The following CHD6 variants were observed in gnomAD, a reference collection of about 807,000 sequenced individuals.
The protein encoded by CHD6 is ATP-dependent chromatin remodeler CHD6.
A neutral mutation model predicts 276.9 loss-of-function variants in CHD6; 50 were observed. The ratio of observed to expected loss-of-function variants is 0.18; its 90% CI spans 0.14 to 0.23. The LOEUF (loss-of-function observed/expected upper bound fraction) is 0.23. Ranked by LOEUF, CHD6 falls within the 10% of genes least tolerant of loss-of-function variation. The pLI is 1.00. For synonymous variants in CHD6, 1,173 were observed against 1,229.3 expected (o/e 0.95, Z 0.96); for missense variants, 2,564 against 3,365.8 (o/e 0.76, Z 5.89).
chr20:41,531,928 T>C (rs1042063438), intron 3 of CHD6, among the ~76,000 whole-genome samples: 1 of 152,206 alleles, frequency 6.6e-6, no homozygotes, highest in South Asian at 2.1e-4. Context: ...TGTGTTTTTT[T>C]ATGAGTGCTC....
Position 41,420,849 on chromosome 20 carries a change from G to A in CHD6, c.5786C>T (p.Ala1929Val), listed in dbSNP as rs1569057005. 1 of 1,614,208 alleles carries A rather than the reference G, an allele frequency of 6.2e-7. No homozygotes were observed. The highest frequency in any genetic ancestry group is 8.5e-7 in the Non-Finnish European group (1 of 1,180,044). Residue 1929 changes from alanine to valine, a missense_variant, in exon 31 of 37, where the codon GCT becomes GTT. This residue lies in a region of CHD6 where 1,024 missense variants were observed against 1,047.9 expected (regional missense o/e 0.98). Coordinates refer to ENST00000373233, the MANE Select transcript of CHD6 (RefSeq NM_032221.5). ...VANQTPGLQR[A>V]FPAPAACQCH... The stretch of plus-strand genomic sequence containing the variant: ...CTGACAGGCTGCTGGAGCGGGGAAA[G>A]CCCTCTGTAGCCCAGGAGTCTGGTT...
At chr20:41,566,504 T>C (rs1267936066) in intron 1 of CHD6, among the ~76,000 whole-genome samples, 1 of 152,176 alleles carries the variant, frequency 6.6e-6, no homozygotes, top group Non-Finnish European at 1.5e-5. Context: ...CCAAGTTCCC[T>C]TCCCCACTCT....
intron 3 of CHD6, among the ~76,000 whole-genome samples, chr20:41,521,773 G>A (rs1395132771): frequency 1.3e-5 from 2 of 152,138 alleles, no homozygotes; most frequent in Admixed American, 6.5e-5. Context: ...CGATGAGCCC[G>A]AAACATCCTG....
At chr20:41,469,538 T>A (rs543272632) in intron 17 of CHD6, among the ~76,000 whole-genome samples, 1 of 152,200 alleles carries the variant, frequency 6.6e-6, no homozygotes, top group Non-Finnish European at 1.5e-5. Flanking sequence ...TTTTCCTTTG[T>A]CTTTCCTTCT....
At chr20:41,509,288 G>A (rs1196728487) in intron 5 of CHD6, among the ~76,000 whole-genome samples, 2 of 152,094 alleles carry the variant, frequency 1.3e-5, no homozygotes, top group African/African-American at 4.8e-5. Flanking sequence ...TAGTTCCTGG[G>A]AGTAAATGTA....
intron 2 of CHD6, among the ~76,000 whole-genome samples, chr20:41,543,459 T>C (rs913778583): frequency 6.6e-6 from 1 of 152,220 alleles, no homozygotes; most frequent in African/African-American, 2.4e-5. Flanking sequence ...AACACACCTG[T>C]ATCTCTCCTC....
chr20:41,463,185 C>T (rs1311758699), intron 17 of CHD6, among the ~76,000 whole-genome samples: 23 of 152,104 alleles, frequency 1.5e-4, no homozygotes, highest in Non-Finnish European at 2.9e-5. Flanking sequence ...CCCATGTATT[C>T]ATATTGACAT....
chr20:41,426,923 C>T (rs560506895), intron 27 of CHD6, among the ~76,000 whole-genome samples: 8 of 152,146 alleles, frequency 5.3e-5, no homozygotes, highest in African/African-American at 1.9e-4. Flanking sequence ...CTAAAACTTA[C>T]TATATTTTGA....
At chr20:41,592,048 G>A (rs1209794708) in intron 1 of CHD6, among the ~76,000 whole-genome samples, 6 of 151,342 alleles carry the variant, frequency 4.0e-5, no homozygotes, top group South Asian at 2.1e-4. Flanking sequence ...GTAGTGAGCC[G>A]AGATCGTGCC....
At chr20:41,525,311 C>T (rs960860592) in intron 3 of CHD6, among the ~76,000 whole-genome samples, 1 of 152,216 alleles carries the variant, frequency 6.6e-6, no homozygotes, top group African/African-American at 2.4e-5. Flanking sequence ...GAGTAATTGC[C>T]TGAGTTCATC....
intron 22 of CHD6, 150 bp from the exon 23 acceptor site, chr20:41,451,255 T>G: frequency 1.5e-6 from 1 of 648,220 alleles, no homozygotes; most frequent in Non-Finnish European, 2.7e-6. Flanking sequence ...GTGGTGGTGG[T>G]AGGAAGGAAG....
intron 2 of CHD6, among the ~76,000 whole-genome samples, chr20:41,549,780 T>C (rs1001468341): frequency 6.6e-6 from 1 of 151,938 alleles, no homozygotes; most frequent in Non-Finnish European, 1.5e-5. Context: ...ATGACAATAG[T>C]TTTGAGGGTC....
In CHD6 at chr20:41,533,109, C is replaced by T; in HGVS notation, c.495G>A (p.Glu165=). Residue 165 remains glutamate (E), a synonymous_variant, in exon 3 of 37, where the codon GAG becomes GAA. Coordinates refer to ENST00000373233, the MANE Select transcript of CHD6 (RefSeq NM_032221.5). ...RKPREASGTK[E]AKEKRSCTDS... is the part of the protein sequence containing the mutation. ...CAGTGCAGCTCCTCTTCTCTTTGGC[C>T]TCCTTGGTGCCCGAGGCCTCCCGGG... The T allele has an allele frequency of 6.2e-7, 1 of 1,613,620 alleles. No individual in the cohort carries two copies. The highest frequency in any genetic ancestry group is 1.1e-5 in the South Asian group (1 of 90,986).
At chr20:41,609,834 T>C (rs1481242337) in intron 1 of CHD6, among the ~76,000 whole-genome samples, 1 of 151,542 alleles carries the variant, frequency 6.6e-6, no homozygotes, top group Non-Finnish European at 1.5e-5. Context: ...TGGATCTGTG[T>C]TTCCTTTTTT....
intron 35 of CHD6, among the ~76,000 whole-genome samples, 159 bp downstream of exon 35, chr20:41,413,165 A>T (rs1225629129): frequency 6.6e-6 from 1 of 152,228 alleles, no homozygotes; most frequent in Non-Finnish European, 1.5e-5. Context: ...CAAAATTTAA[A>T]CTTAAAAACA....
chr20:41,617,890 G>A (rs1052345548), intron 1 of CHD6, among the ~76,000 whole-genome samples: 1 of 148,970 alleles, frequency 6.7e-6, no homozygotes, highest in African/African-American at 2.4e-5. Context: ...CGGGAATAGC[G>A]GTCACCCCCG....
intron 5 of CHD6, among the ~76,000 whole-genome samples, chr20:41,503,144 A>G (rs2043878385): frequency 6.6e-6 from 1 of 152,150 alleles, no homozygotes; most frequent in Non-Finnish European, 1.5e-5. Context: ...AGGGTATCTG[A>G]TAGGTTGATG....
At chr20:41,518,131 T>C (rs1332791904) in intron 3 of CHD6, among the ~76,000 whole-genome samples, 1 of 152,224 alleles carries the variant, frequency 6.6e-6, no homozygotes, top group African/African-American at 2.4e-5. Context: ...AATAATCACA[T>C]GCTCAGTGGC....
intron 3 of CHD6, among the ~76,000 whole-genome samples, chr20:41,516,316 C>A (rs948880167): frequency 6.6e-6 from 1 of 152,042 alleles, no homozygotes; most frequent in Non-Finnish European, 1.5e-5. Flanking sequence ...TCCGTCACCA[C>A]GCATGGCTAA....
Sources: gnomAD v4.1 joint callset for allele counts (sites outside exome capture counted in the v4.1 genomes callset) on GRCh38, gnomAD v4.1.1 for gene constraint, gnomAD v4.1.1 regional missense constraint, MANE v1.5 for transcripts, NCBI Gene and HGNC (gene_info 2026-07-23, HGNC 2026-07-21) for gene names.